Variants in RSPH14 observed in about 807,000 individuals in gnomAD.
RSPH14 encodes the protein radial spoke head 14 homolog.
A neutral mutation model predicts 26.7 loss-of-function variants in RSPH14; 20 were observed. The ratio of observed to expected loss-of-function variants is 0.75; its 90% CI spans 0.53 to 1.09. The LOEUF (loss-of-function observed/expected upper bound fraction) is 1.09, where lower values mean the gene tolerates loss of function less well. RSPH14 is among the 50% of genes least tolerant of loss of function. The pLI is 0.00. For missense variants in RSPH14, 449 were observed against 457.2 expected (o/e 0.98, Z 0.16); for synonymous variants, 177 against 189.3 (o/e 0.93, Z 0.53).
the RSPH14 span, chr22:23,152,385 G>T: frequency 6.8e-7 from 1 of 1,479,792 alleles, no homozygotes; most frequent in East Asian, 2.3e-5. Context: ...GAGAGCTCAG[G>T]GAAGGAAGGG....
intron 4 of RSPH14, among the ~76,000 whole-genome samples, chr22:23,100,166 C>T (rs1338812673): frequency 6.6e-6 from 1 of 152,244 alleles, no homozygotes; most frequent in Non-Finnish European, 1.5e-5. Context: ...GCACAACTCT[C>T]CCAGCAGCAC....
At chr22:23,084,354 CTT>C (rs1387955238) in intron 4 of RSPH14, among the ~76,000 whole-genome samples, 2 of 152,182 alleles carry the variant, frequency 1.3e-5, no homozygotes, top group Non-Finnish European at 2.9e-5. Context: ...GGGTTAGATT[CTT>C]TTGTCTACCT....
At chr22:23,148,551 A>G (rs898231466), upstream of RSPH14, among the ~76,000 whole-genome samples, 2 of 152,152 alleles carry the variant, frequency 1.3e-5, no homozygotes. Context: ...TCCTGGTTTC[A>G]CAGGTGGCAT....
At chr22:23,080,948 T>C (rs761615861) in intron 4 of RSPH14, among the ~76,000 whole-genome samples, 13 of 152,352 alleles carry the variant, frequency 8.5e-5, no homozygotes, top group Non-Finnish European at 1.8e-4. Context: ...GGGCACTCTC[T>C]AGAACCCCCT....
chr22:23,111,864 G>C (rs2069668834), intron 4 of RSPH14, among the ~76,000 whole-genome samples: 1 of 152,146 alleles, frequency 6.6e-6, no homozygotes, highest in Non-Finnish European at 1.5e-5. Flanking sequence ...GTGGGCAGTG[G>C]GCTGTCTGAA....
At chr22:23,169,108 T>A in the RSPH14 span, among the ~76,000 whole-genome samples, 13 of 152,336 alleles carry the variant, frequency 8.5e-5, no homozygotes, top group South Asian at 2.5e-3. Flanking sequence ...CAGAAGGCAG[T>A]GGAGTTCCTG....
chr22:23,150,788 A>T, the RSPH14 span, among the ~76,000 whole-genome samples: 1 of 152,024 alleles, frequency 6.6e-6, no homozygotes. Context: ...CAGCGTGTCA[A>T]GTCCTCTGGG....
At chr22:23,072,972 G>A (rs2068416649) in intron 4 of RSPH14, among the ~76,000 whole-genome samples, 2 of 152,192 alleles carry the variant, frequency 1.3e-5, no homozygotes, top group East Asian at 1.9e-4. Context: ...CAGGGCCCCC[G>A]CAGAGAGGCC....
At chr22:23,096,001 C>T (rs151123258) in intron 4 of RSPH14, 42 of 1,608,838 alleles carry the variant, frequency 2.6e-5, no homozygotes, top group Admixed American at 1.5e-4. Flanking sequence ...ACCGCGCCTA[C>T]GACGCTGTGC....
chr22:23,072,498 C>G (rs562226185), intron 4 of RSPH14, among the ~76,000 whole-genome samples: 1 of 152,186 alleles, frequency 6.6e-6, no homozygotes, highest in Non-Finnish European at 1.5e-5. Context: ...CACTTTCCCC[C>G]CTAAGTCAGC....
At chr22:23,067,107 T>C (rs905891986) in intron 4 of RSPH14, among the ~76,000 whole-genome samples, 1 of 152,116 alleles carries the variant, frequency 6.6e-6, no homozygotes, top group Non-Finnish European at 1.5e-5. Context: ...CTGGCTGATA[T>C]GTAGGGGCTA....
At chr22:23,079,515 G>C (rs1260442329) in intron 4 of RSPH14, among the ~76,000 whole-genome samples, 2 of 152,166 alleles carry the variant, frequency 1.3e-5, no homozygotes, top group Non-Finnish European at 2.9e-5. Context: ...CACAGCCCTG[G>C]TGCCCTGGCT....
intron 4 of RSPH14, among the ~76,000 whole-genome samples, chr22:23,104,419 C>T (rs907175659): frequency 6.6e-6 from 1 of 152,188 alleles, no homozygotes; most frequent in Non-Finnish European, 1.5e-5. Context: ...CCTGTCTGAA[C>T]TGTTCCAAGA....
the RSPH14 span, among the ~76,000 whole-genome samples, chr22:23,170,436 T>A: frequency 6.6e-6 from 1 of 152,168 alleles, no homozygotes; most frequent in Non-Finnish European, 1.5e-5. Context: ...GAGAGCGCTC[T>A]TCAGGGTTCC....
intron 4 of RSPH14, chr22:23,124,382 G>A (rs994795528): frequency 1.1e-5 from 5 of 468,074 alleles, no homozygotes; most frequent in African/African-American, 6.0e-5. Flanking sequence ...TTATCTGGAC[G>A]ATCTGTCTCT....
chr22:23,170,003 G>A, the RSPH14 span, among the ~76,000 whole-genome samples: 85 of 151,666 alleles, frequency 5.6e-4, 1 homozygote, highest in Middle Eastern at 3.4e-3. Flanking sequence ...AGGCTGAGGT[G>A]GAAGGATCGC....
the RSPH14 span, among the ~76,000 whole-genome samples, chr22:23,174,033 A>G: frequency 6.6e-6 from 1 of 151,798 alleles, no homozygotes. Context: ...CTGTTGACTG[A>G]CACCTGCATG....
At chr22:23,088,433 G>A (rs2068875114) in intron 4 of RSPH14, among the ~76,000 whole-genome samples, 2 of 152,200 alleles carry the variant, frequency 1.3e-5, no homozygotes, top group Admixed American at 1.3e-4. Flanking sequence ...CCAGCTGCTG[G>A]GTGCCAAGGT....
chr22:23,064,074 C>G lies in RSPH14; in HGVS notation c.481G>C (p.Glu161Gln). Residue 161 changes from glutamate to glutamine, a missense_variant, in exon 5 of 7, where the codon GAG (glutamate) becomes CAG (glutamine). By Grantham distance (29) the Glu-to-Gln change is conservative. Coordinates refer to ENST00000216036, the MANE Select transcript of RSPH14 (RefSeq NM_014433.3). ...TCCTGGAACTCCTCCTCCTCCACCTCCACCTGCAGCTTCCATACCAGTGAG... is the reference window on the plus strand; with the variant it reads ...TCCTGGAACTCCTCCTCCTCCACCTGCACCTGCAGCTTCCATACCAGTGAG... ...ISSLVWKLQV[E>Q]VEEEEFQEFI... 6.2e-7 allele frequency: 1 copy of G among 1,614,186 alleles called. No homozygotes were observed. Among genetic ancestry groups the G allele is most frequent in the Non-Finnish European group, 8.5e-7 (1 of 1,180,022 alleles).
Sources: allele counts gnomAD v4.1 joint callset (sites outside exome capture counted in the v4.1 genomes callset), GRCh38; gene constraint gnomAD v4.1.1; transcripts MANE v1.5; gene names NCBI Gene and HGNC (gene_info 2026-07-23, HGNC 2026-07-21).